SORCS3: variants seen among roughly 807,000 people sequenced by gnomAD.
SORCS3 encodes VPS10 domain-containing receptor SorCS3.
In SORCS3, 57 loss-of-function variants were observed where a neutral mutation model predicts 146.3. The ratio of observed to expected loss-of-function variants is 0.39; its 90% CI spans 0.31 to 0.49. The LOEUF is 0.49. Among genes scored for constraint, SORCS3 ranks in the 20% least tolerant of loss-of-function variants. SORCS3 has a pLI of 0.92. For missense variants in SORCS3, 1,341 were observed against 1,575.5 expected (o/e 0.85, Z 2.52); for synonymous variants, 653 against 618.5 (o/e 1.06, Z -0.83).
chr10:104,703,449 T>G (rs2016302955), intron 1 of SORCS3, among the ~76,000 whole-genome samples: 1 of 152,182 alleles, frequency 6.6e-6, no homozygotes. Context: ...GTGGTTTTGA[T>G]TTGCATTTCT....
chr10:105,225,370 T>A (rs2056728233), intron 20 of SORCS3, among the ~76,000 whole-genome samples: 1 of 152,076 alleles, frequency 6.6e-6, no homozygotes, highest in Admixed American at 6.6e-5. Context: ...CTTTGCTCCT[T>A]TGCCAAAAAT....
intron 1 of SORCS3, among the ~76,000 whole-genome samples, chr10:104,808,979 T>A (rs2017711345): frequency 6.6e-6 from 1 of 152,300 alleles, no homozygotes; most frequent in Non-Finnish European, 1.5e-5. Context: ...TTGCGTTGGC[T>A]ATAGTAAAAT....
rs375452042 is a variant in SORCS3, at chr10:104,881,963, A to G, written c.696-33870A>G. On this transcript the variant is annotated intron_variant, in intron 2 of 26. Transcript: ENST00000369701. ...ACTCTTTGCATCTTCAGCAGTTGGT[A>G]AGCATCCCTGTTTCCCACTGGGAAA... Among the ~76,000 whole-genome samples the G allele has an allele frequency of 2.6e-5, 4 of 152,262 alleles. No individual in the cohort carries two copies. The East Asian group carries it at 5.8e-4, about 22-fold the overall frequency.
intron 9 of SORCS3, among the ~76,000 whole-genome samples, chr10:105,154,100 T>C (rs790749): frequency 6.8e-6 from 1 of 146,284 alleles, no homozygotes; most frequent in East Asian, 2.0e-4. Context: ...AAACTTCCCA[T>C]CCAGCCTCAG....
chr10:105,010,212 A>C (rs1382478052), intron 4 of SORCS3, among the ~76,000 whole-genome samples: 6 of 152,196 alleles, frequency 3.9e-5, no homozygotes, highest in Non-Finnish European at 7.4e-5. Context: ...GGAGCTCATG[A>C]AGAAACATGA....
At chr10:104,657,421 T>G (rs1180019797) in intron 1 of SORCS3, among the ~76,000 whole-genome samples, 1 of 152,208 alleles carries the variant, frequency 6.6e-6, no homozygotes, top group East Asian at 1.9e-4. Flanking sequence ...AGCAAATGTG[T>G]GGGAACATAA....
chr10:105,196,275 C>T (rs1324182403), intron 14 of SORCS3, among the ~76,000 whole-genome samples: 1 of 152,198 alleles, frequency 6.6e-6, no homozygotes, highest in Non-Finnish European at 1.5e-5. Context: ...TTGAGCATCT[C>T]TTGTTCCTGT....
chr10:104,794,928 G>A (rs2017536251), intron 1 of SORCS3, among the ~76,000 whole-genome samples: 1 of 151,538 alleles, frequency 6.6e-6, no homozygotes, highest in Non-Finnish European at 1.5e-5. Context: ...TCTCAGTGTG[G>A]TAAATGGAGA....
At chr10:105,027,501 G>C (rs1206975630) in intron 4 of SORCS3, among the ~76,000 whole-genome samples, 1 of 152,074 alleles carries the variant, frequency 6.6e-6, no homozygotes, top group African/African-American at 2.4e-5. Context: ...CTCATTATTT[G>C]CAATTCCCTA....
intron 8 of SORCS3, among the ~76,000 whole-genome samples, chr10:105,142,164 T>C (rs2119453298): frequency 6.6e-6 from 1 of 152,306 alleles, no homozygotes; most frequent in Middle Eastern, 3.4e-3. Context: ...GATTTATTCT[T>C]AACTTACTAC....
chr10:104,876,581 T>G (rs1021960874), intron 2 of SORCS3, among the ~76,000 whole-genome samples: 2 of 151,822 alleles, frequency 1.3e-5, no homozygotes, highest in African/African-American at 4.8e-5. Context: ...CTGGATAGGG[T>G]TTTTCATGGC....
At chr10:104,706,331 C>T (rs1021197585) in intron 1 of SORCS3, among the ~76,000 whole-genome samples, 11 of 151,252 alleles carry the variant, frequency 7.3e-5, no homozygotes, top group African/African-American at 9.7e-5. Flanking sequence ...TCTCAGCCTC[C>T]GGAGTAGCTG....
intron 20 of SORCS3, among the ~76,000 whole-genome samples, chr10:105,242,605 C>CATTTATATAT (rs1564793676): frequency 5.0e-5 from 2 of 39,884 alleles, no homozygotes; most frequent in Non-Finnish European, 8.9e-5. Context: ...TGTTTATATA[C>CATTTATATAT]ATTTATATAT....
chr10:104,861,861 T>C (rs1589527508), intron 2 of SORCS3, among the ~76,000 whole-genome samples: 2 of 152,176 alleles, frequency 1.3e-5, no homozygotes, highest in African/African-American at 4.8e-5. Context: ...CCTCTGAGCA[T>C]GCATCTCCCC....
rs11340368 is a variant in SORCS3, at chr10:105,182,230, C to CTTTTTTTTT, written c.2009+4072_2009+4080dup. Among the ~76,000 whole-genome samples the CTTTTTTTTT allele has an allele frequency of 3.4e-3, 241 of 70,458 alleles. 24 individuals carry two copies. The highest frequency in any genetic ancestry group is 9.8e-3 in the East Asian group (19 of 1,930). The allele number at this position is 70,458 out of a possible 152,430, so 46.2% of individuals were successfully genotyped here. A position where few individuals can be genotyped will look rare whatever the true frequency, so the allele number is the denominator to read the frequency against. On this transcript the variant is annotated intron_variant, in intron 14 of 26. Coordinates refer to ENST00000369701, the MANE Select transcript of SORCS3 (RefSeq NM_014978.3). Reference sequence around the variant, plus strand: ...CAGCCAACTTGTGACTATTCAGCATCTTTTTTTTTTTTTTTTTTTTTTTGT... The same window carrying CTTTTTTTTT: ...CAGCCAACTTGTGACTATTCAGCATCTTTTTTTTTTTTTTTTTTTTTTTTTTTTTTTTGT...
chr10:104,833,690 T>C (rs964203939), intron 1 of SORCS3, among the ~76,000 whole-genome samples: 7 of 152,156 alleles, frequency 4.6e-5, no homozygotes, highest in African/African-American at 1.7e-4. Flanking sequence ...TCAATCCTTA[T>C]AGCTTTAGTC....
intron 2 of SORCS3, among the ~76,000 whole-genome samples, chr10:104,876,748 T>TGCC: frequency 3.0e-5 from 4 of 133,906 alleles, no homozygotes; most frequent in Admixed American, 2.3e-4. Flanking sequence ...CCTTCCTTCC[T>TGCC]TTCTTTCTTT....
At chr10:104,767,626 TTCCCCCTTCCCCTCCCACTTCCAC>T (rs2017196263) in intron 1 of SORCS3, among the ~76,000 whole-genome samples, 1 of 99,970 alleles carries the variant, frequency 1.0e-5, no homozygotes, top group Non-Finnish European at 1.9e-5. Flanking sequence ...CCCCTTTTCC[TTCCCCCTTCCCCTCCCACTTCCAC>T]TCCCCGTTCC....
At chr10:104,809,737 T>C (rs1365123096) in intron 1 of SORCS3, among the ~76,000 whole-genome samples, 1 of 152,224 alleles carries the variant, frequency 6.6e-6, no homozygotes, top group Non-Finnish European at 1.5e-5. Context: ...GATGTCTCCA[T>C]CCTCATTTAA....
Sources: gnomAD v4.1 joint callset for allele counts (sites outside exome capture counted in the v4.1 genomes callset) on GRCh38, gnomAD v4.1.1 for gene constraint, MANE v1.5 for transcripts, NCBI Gene and HGNC (gene_info 2026-07-23, HGNC 2026-07-21) for gene names.